DPP10: variants seen among roughly 807,000 people sequenced by gnomAD.
The protein encoded by DPP10 is dipeptidyl peptidase like 10, also known as inactive dipeptidyl peptidase 10.
A neutral mutation model predicts 120.9 loss-of-function variants in DPP10; 33 were observed. That is an observed-to-expected ratio of 0.27 (90% CI 0.21 to 0.37). The LOEUF is 0.37. Among genes scored for constraint, DPP10 ranks in the 10% least tolerant of loss-of-function variants. The pLI is 1.00. For missense variants in DPP10, 816 were observed against 942.8 expected (o/e 0.87, Z 1.76); for synonymous variants, 337 against 326.1 (o/e 1.03, Z -0.36).
At chr2:115,217,974 T>C (rs907159831) in intron 1 of DPP10, among the ~76,000 whole-genome samples, 23 of 152,184 alleles carry the variant, frequency 1.5e-4, no homozygotes, top group African/African-American at 5.3e-4. Context: ...ATGTGACCTT[T>C]CCTGTCATTA....
intron 1 of DPP10, among the ~76,000 whole-genome samples, chr2:115,293,823 A>T (rs1045726824): frequency 6.6e-6 from 1 of 152,092 alleles, no homozygotes. Context: ...TGCAGCCTGA[A>T]TCAACATGGA....
intron 1 of DPP10, among the ~76,000 whole-genome samples, chr2:114,634,452 C>T (rs1379878019): frequency 6.6e-6 from 1 of 151,686 alleles, no homozygotes; most frequent in African/African-American, 2.4e-5. Context: ...CCTGAACACA[C>T]ATGGCCACAG....
At chr2:114,728,897 C>G (rs1010094233) in intron 1 of DPP10, among the ~76,000 whole-genome samples, 1 of 152,188 alleles carries the variant, frequency 6.6e-6, no homozygotes, top group African/African-American at 2.4e-5. Flanking sequence ...CAAAATGGCT[C>G]TCTGCACTAG....
chr2:115,437,218 G>A (rs1002408921), intron 3 of DPP10, among the ~76,000 whole-genome samples: 2 of 151,976 alleles, frequency 1.3e-5, no homozygotes, highest in African/African-American at 4.8e-5. Context: ...ATACCAGCAA[G>A]GAGATTTCTA....
At chr2:115,419,805 T>C (rs895184692) in intron 3 of DPP10, among the ~76,000 whole-genome samples, 3 of 152,148 alleles carry the variant, frequency 2.0e-5, no homozygotes, top group African/African-American at 7.2e-5. Context: ...CTAAAATATA[T>C]TTTAAAAATA....
intron 1 of DPP10, among the ~76,000 whole-genome samples, chr2:115,279,480 C>T (rs2060052812): frequency 2.0e-5 from 3 of 151,610 alleles, no homozygotes; most frequent in South Asian, 4.2e-4. Context: ...GAAGCTGGCT[C>T]CAGAATGCAG....
chr2:114,519,316 A>G (rs1045724862), intron 1 of DPP10, among the ~76,000 whole-genome samples: 1 of 152,204 alleles, frequency 6.6e-6, no homozygotes, highest in Non-Finnish European at 1.5e-5. Flanking sequence ...CCCATCTGTC[A>G]CTACAGAAGA....
chr2:115,382,429 C>T (rs546334254), intron 3 of DPP10, among the ~76,000 whole-genome samples: 233 of 152,180 alleles, frequency 1.5e-3, no homozygotes, highest in Non-Finnish European at 2.9e-3. Flanking sequence ...GCGCACAGTG[C>T]GCGCACCCAC....
intron 1 of DPP10, chr2:114,461,557 A>C (rs1678918071): frequency 1.0e-6 from 1 of 983,696 alleles, no homozygotes; most frequent in Admixed American, 6.1e-5. Flanking sequence ...TCCTTTTCTA[A>C]GACCAGCCTC....
In DPP10 at chr2:114,969,108, G is replaced by T. The variant is rs560454362; in HGVS notation, c.61-340131G>T. ...AATGAAGTCTTTTTATTTATTGTTG[G>T]TAGATTAATAGAATCATCTGATAGG... is the stretch of plus-strand genomic sequence containing the variant. On this transcript the variant is annotated intron_variant, in intron 1 of 25. Coordinates refer to ENST00000410059, the MANE Select transcript of DPP10 (RefSeq NM_020868.6). Among the ~76,000 whole-genome samples, 6 of 152,230 alleles carry T rather than the reference G, an allele frequency of 3.9e-5. No individual in the cohort carries two copies. The South Asian group carries it at 1.2e-3, about 32-fold the overall frequency.
intron 5 of DPP10, among the ~76,000 whole-genome samples, chr2:115,620,784 A>T (rs529364094): frequency 1.3e-5 from 2 of 152,238 alleles, no homozygotes; most frequent in South Asian, 4.1e-4. Flanking sequence ...TGAAGAATAT[A>T]GTACTAAGGC....
intron 5 of DPP10, among the ~76,000 whole-genome samples, chr2:115,562,159 T>A (rs1281482936): frequency 6.6e-6 from 1 of 152,218 alleles, no homozygotes; most frequent in Non-Finnish European, 1.5e-5. Context: ...TGTTTGAAGC[T>A]CAAAGTCATC....
intron 21 of DPP10, among the ~76,000 whole-genome samples, chr2:115,835,387 T>C (rs1258131350): frequency 6.6e-6 from 1 of 152,168 alleles, no homozygotes; most frequent in Non-Finnish European, 1.5e-5. Context: ...GTCGATTTCT[T>C]CTCCATTGAT....
At chr2:115,069,649 G>C in intron 1 of DPP10, among the ~76,000 whole-genome samples, 1 of 151,990 alleles carries the variant, frequency 6.6e-6, no homozygotes, top group South Asian at 2.1e-4. Flanking sequence ...CATTAACTCA[G>C]CTTTTACTCA....
chr2:114,746,210 CTT>C (rs1262072681), intron 1 of DPP10, among the ~76,000 whole-genome samples: 1 of 152,168 alleles, frequency 6.6e-6, no homozygotes, highest in Non-Finnish European at 1.5e-5. Context: ...CCTATTCCCT[CTT>C]GTTTCAATCC....
At chr2:114,640,117 C>G (rs1239726492) in intron 1 of DPP10, among the ~76,000 whole-genome samples, 1 of 151,886 alleles carries the variant, frequency 6.6e-6, no homozygotes, top group Non-Finnish European at 1.5e-5. Flanking sequence ...AACATTATGA[C>G]TTCATGTGGA....
chr2:114,946,919 G>A (rs1697404672), intron 1 of DPP10, among the ~76,000 whole-genome samples: 1 of 151,862 alleles, frequency 6.6e-6, no homozygotes, highest in African/African-American at 2.4e-5. Context: ...TGAGTTTGTA[G>A]TTTTATTTCT....
intron 1 of DPP10, among the ~76,000 whole-genome samples, chr2:115,111,716 A>G (rs2104683559): frequency 6.6e-6 from 1 of 152,324 alleles, no homozygotes; most frequent in East Asian, 1.9e-4. Flanking sequence ...TATGTGACAG[A>G]GCAGGGAAAA....
chr2:115,403,381 C>CTTTTTTTTTTTTTTTTTTT (rs78116780), intron 3 of DPP10, among the ~76,000 whole-genome samples: 1 of 118,382 alleles, frequency 8.4e-6, no homozygotes, highest in African/African-American at 3.6e-5. Flanking sequence ...TTCTTTCCTT[C>CTTTTTTTTTTTTTTTTTTT]TTTTTTTTTT....
Sources: gnomAD v4.1 joint callset for allele counts (sites outside exome capture counted in the v4.1 genomes callset) on GRCh38, gnomAD v4.1.1 for gene constraint, MANE v1.5 for transcripts, NCBI Gene and HGNC (gene_info 2026-07-23, HGNC 2026-07-21) for gene names.